Variants in CFAP299 observed in about 807,000 individuals in gnomAD.
CFAP299 encodes the protein cilia and flagella associated protein 299, also known as cilia- and flagella-associated protein 299.
CFAP299 carries 21 observed loss-of-function variants against 27.0 expected under a neutral mutation model. The ratio of observed to expected loss-of-function variants is 0.78; its 90% CI spans 0.55 to 1.12. The LOEUF (loss-of-function observed/expected upper bound fraction) is 1.12, where lower values mean the gene tolerates loss of function less well. Among genes scored for constraint, CFAP299 ranks in the 50% most tolerant of loss-of-function variants. CFAP299 has a pLI of 0.00. For synonymous variants in CFAP299, 104 were observed against 98.1 expected (o/e 1.06, Z -0.36); for missense variants, 310 against 276.6 (o/e 1.12, Z -0.86).
intron 3 of CFAP299, among the ~76,000 whole-genome samples, chr4:80,853,828 A>T (rs908142423): frequency 6.6e-6 from 1 of 152,192 alleles, no homozygotes; most frequent in Non-Finnish European, 1.5e-5. Flanking sequence ...CATGGAAAGA[A>T]GATTTGGTTG....
intron 3 of CFAP299, among the ~76,000 whole-genome samples, chr4:80,671,812 A>G (rs539792395): frequency 6.6e-6 from 1 of 152,154 alleles, no homozygotes; most frequent in Admixed American, 6.5e-5. Flanking sequence ...TTTTTGGTGT[A>G]TAGGAATGCT....
At chr4:80,495,022 A>G (rs1236108297) in intron 2 of CFAP299, among the ~76,000 whole-genome samples, 1 of 152,222 alleles carries the variant, frequency 6.6e-6, no homozygotes, top group African/African-American at 2.4e-5. Context: ...ACTTTTTCCA[A>G]CATAGCCTAA....
intron 2 of CFAP299, among the ~76,000 whole-genome samples, chr4:80,414,545 A>G (rs1207030108): frequency 6.6e-6 from 1 of 152,216 alleles, no homozygotes; most frequent in Non-Finnish European, 1.5e-5. Flanking sequence ...ATGAAGCACA[A>G]TAATTAGGTC....
chr4:80,507,572 A>G (rs1281401102), intron 2 of CFAP299, among the ~76,000 whole-genome samples: 1 of 152,134 alleles, frequency 6.6e-6, no homozygotes, highest in African/African-American at 2.4e-5. Flanking sequence ...AATCTAATCT[A>G]TCATCAAATC....
chr4:80,871,399 G>C (rs1733090290), intron 4 of CFAP299: 1 of 985,268 alleles, frequency 1.0e-6, no homozygotes, highest in Admixed American at 6.1e-5. Flanking sequence ...ACTGGGTACT[G>C]CTGAAGGAAA....
intron 2 of CFAP299, among the ~76,000 whole-genome samples, chr4:80,368,624 TA>T (rs994471995): frequency 2.0e-5 from 3 of 151,534 alleles, no homozygotes; most frequent in African/African-American, 7.3e-5. Context: ...CCCCAAATCT[TA>T]AAAAAAAATT....
intron 3 of CFAP299, among the ~76,000 whole-genome samples, chr4:80,583,954 A>G (rs933718244): frequency 1.3e-5 from 2 of 152,008 alleles, no homozygotes; most frequent in Non-Finnish European, 1.5e-5. Context: ...TATTTTCTCA[A>G]TAAAAAATTT....
intron 3 of CFAP299, among the ~76,000 whole-genome samples, chr4:80,617,575 C>A (rs1366100043): frequency 6.6e-6 from 1 of 152,030 alleles, no homozygotes; most frequent in Non-Finnish European, 1.5e-5. Context: ...CTTCTCAAAT[C>A]CTATTATTAA....
At chr4:80,464,179 ATGT>A (rs1729597748) in intron 2 of CFAP299, among the ~76,000 whole-genome samples, 4 of 152,116 alleles carry the variant, frequency 2.6e-5, no homozygotes, top group Admixed American at 1.3e-4. Context: ...CTCCCCAAAA[ATGT>A]GGAAGTTTGC....
At chr4:80,797,601 A>G (rs550234171) in intron 3 of CFAP299, among the ~76,000 whole-genome samples, 1 of 152,228 alleles carries the variant, frequency 6.6e-6, no homozygotes, top group South Asian at 2.1e-4. Flanking sequence ...AGATCCAATT[A>G]TTCCCATTGT....
chr4:80,800,632 A>AAATATAT (rs1179163369), intron 3 of CFAP299, among the ~76,000 whole-genome samples: 66 of 102,524 alleles, frequency 6.4e-4, no homozygotes, highest in African/African-American at 2.5e-3. Flanking sequence ...ATATTAATAT[A>AAATATAT]AATATATAAT....
At chr4:80,951,440 A>G (rs1737771499) in intron 5 of CFAP299, among the ~76,000 whole-genome samples, 1 of 152,158 alleles carries the variant, frequency 6.6e-6, no homozygotes, top group Admixed American at 6.6e-5. Flanking sequence ...CTATTTGAAA[A>G]TTGTTCACAA....
intron 3 of CFAP299, among the ~76,000 whole-genome samples, chr4:80,768,894 C>G (rs1245870618): frequency 1.3e-5 from 2 of 152,008 alleles, no homozygotes; most frequent in East Asian, 1.9e-4. Flanking sequence ...TGAAGTGTAC[C>G]TTAACAATAA....
intron 2 of CFAP299, among the ~76,000 whole-genome samples, chr4:80,559,720 G>A (rs932417320): frequency 6.6e-6 from 1 of 152,186 alleles, no homozygotes; most frequent in Non-Finnish European, 1.5e-5. Flanking sequence ...TATCCTGCTA[G>A]AGTAAAAAGG....
At chr4:80,906,406 G>A (rs2110199886) in intron 4 of CFAP299, among the ~76,000 whole-genome samples, 1 of 152,306 alleles carries the variant, frequency 6.6e-6, no homozygotes, top group East Asian at 1.9e-4. Flanking sequence ...AGCTGCCAGT[G>A]AATCTACGAT....
At chr4:80,360,672 C>T (rs1292402670) in intron 1 of CFAP299, among the ~76,000 whole-genome samples, 1 of 152,174 alleles carries the variant, frequency 6.6e-6, no homozygotes, top group East Asian at 1.9e-4. Context: ...CACTAGCCTT[C>T]TGATTGTTAT....
chr4:80,608,274 G>A lies in CFAP299; in HGVS notation c.333+25091G>A, dbSNP rs1367469905. 3.9e-5 allele frequency: 43 copies of A among 1,110,434 alleles called. 1 individual carries two copies. The highest frequency in any genetic ancestry group is 5.2e-5 in the Non-Finnish European group (40 of 769,858). 68.8% of individuals were successfully genotyped at this position (1,110,434 alleles called of 1,614,324 possible). On this transcript the variant is annotated intron_variant, in intron 3 of 5. Coordinates refer to ENST00000358105, the MANE Select transcript of CFAP299 (RefSeq NM_152770.3). ...GGGGTTCAAGCTATACTTTAGATAGGAGATTTGTTAACATGTGGAATACAC... is the reference window on the plus strand; with the variant it reads ...GGGGTTCAAGCTATACTTTAGATAGAAGATTTGTTAACATGTGGAATACAC...
chr4:80,824,082 A>G (rs1465813472), intron 3 of CFAP299, among the ~76,000 whole-genome samples: 1 of 152,200 alleles, frequency 6.6e-6, no homozygotes, highest in African/African-American at 2.4e-5. Flanking sequence ...TGCAAAATAT[A>G]GGTACTAAGA....
intron 2 of CFAP299, among the ~76,000 whole-genome samples, chr4:80,380,318 C>G (rs148019754): frequency 1.1e-4 from 16 of 151,320 alleles, no homozygotes; most frequent in African/African-American, 3.6e-4. Flanking sequence ...AGACAAAATC[C>G]AATATTGGTG....
Sources: allele counts gnomAD v4.1 joint callset (sites outside exome capture counted in the v4.1 genomes callset), GRCh38; gene constraint gnomAD v4.1.1; transcripts MANE v1.5; gene names NCBI Gene and HGNC (gene_info 2026-07-23, HGNC 2026-07-21).